The following BAIAP2 variants were observed in gnomAD, a reference collection of about 807,000 sequenced individuals.
The protein encoded by BAIAP2 is BAR/IMD domain-containing adapter protein 2.
A neutral mutation model predicts 63.0 loss-of-function variants in BAIAP2; 18 were observed. The observed-to-expected ratio is 0.29, with a 90% CI of 0.20 to 0.42. The LOEUF is 0.42. Ranked by LOEUF, BAIAP2 falls within the 10% of genes least tolerant of loss-of-function variation. The pLI is 1.00. For missense variants in BAIAP2, 610 were observed against 734.3 expected (o/e 0.83, Z 1.96); for synonymous variants, 386 against 307.6 (o/e 1.25, Z -2.67).
In BAIAP2 at chr17:81,057,981, C is replaced by G. The variant is rs772971350; in HGVS notation, c.217+14C>G. The stretch of plus-strand genomic sequence containing the variant: ...CCAAAGAACTCGGTGAGACCCCCCC[C>G]CCCCCCCCGCCTGGTAGTCGCCTGA... On this transcript the variant is annotated intron_variant, in intron 3 of 13. Transcript: ENST00000428708. The G allele has an allele frequency of 7.6e-6, 9 of 1,188,094 alleles. 1 individual carries two copies. The highest frequency in any genetic ancestry group is 4.8e-5 in the South Asian group (3 of 62,012). 73.6% of individuals were successfully genotyped at this position (1,188,094 alleles called of 1,614,324 possible). A position where few individuals can be genotyped will look rare whatever the true frequency, so the allele number is the denominator to read the frequency against.
At chr17:81,045,717 C>T (rs989785417) in intron 1 of BAIAP2, among the ~76,000 whole-genome samples, 9 of 152,150 alleles carry the variant, frequency 5.9e-5, no homozygotes, top group Non-Finnish European at 1.2e-4. Context: ...CTGCAGGAGT[C>T]CCTGGTATGC....
At chr17:81,106,684 G>C (rs1176531479) in intron 11 of BAIAP2, 61 bp from the exon 12 acceptor site, 11 of 1,594,494 alleles carry the variant, frequency 6.9e-6, no homozygotes, top group Non-Finnish European at 6.9e-6. Flanking sequence ...GGAGCCACAG[G>C]GTTGTGGGGT....
In BAIAP2 at chr17:81,035,320, C is replaced by A; in HGVS notation, c.54+12C>A. On this transcript the variant is annotated intron_variant, in intron 1 of 13. Coordinates refer to ENST00000428708, the MANE Select transcript of BAIAP2 (RefSeq NM_001144888.2). The stretch of plus-strand genomic sequence containing the variant: ...AAAATGTCTATAAGGTGAGCGCCCC[C>A]CGGCGCCGAGCTGAGCCCGCTCCGT... 1 of 1,427,020 alleles carries A rather than the reference C, an allele frequency of 7.0e-7. No individual in the cohort carries two copies. The highest frequency in any genetic ancestry group is 1.5e-5 in the African/African-American group (1 of 67,268). The allele number at this position is 1,427,020 out of a possible 1,614,324, so 88.4% of individuals were successfully genotyped here.
rs533334715 is a variant in BAIAP2, at chr17:81,090,236, T to G, written c.489+3656T>G. Among the ~76,000 whole-genome samples, 12 of 152,270 alleles carry G rather than the reference T, an allele frequency of 7.9e-5. No homozygotes were observed. In the East Asian group the frequency reaches 1.6e-3, roughly 20 times the overall value. ...TTCTCTGAGCCTCAGTTTCCCCATT[T>G]GTGAGGGGGAATATCCTGGCTTTCT... On this transcript the variant is annotated intron_variant, in intron 6 of 13. Transcript: ENST00000428708.
intron 3 of BAIAP2, among the ~76,000 whole-genome samples, chr17:81,060,530 C>G: frequency 6.6e-6 from 1 of 152,194 alleles, no homozygotes; most frequent in East Asian, 1.9e-4. Flanking sequence ...GGGCTTCATT[C>G]CTGTTTGTGG....
chr17:81,097,055 C>A (rs1415197498), intron 6 of BAIAP2, among the ~76,000 whole-genome samples: 1 of 152,178 alleles, frequency 6.6e-6, no homozygotes, highest in Non-Finnish European at 1.5e-5. Flanking sequence ...GCTGGAAAGT[C>A]TGCTTAAGGT....
At chr17:81,062,755 G>T (rs1372084074) in intron 3 of BAIAP2, among the ~76,000 whole-genome samples, 1 of 147,840 alleles carries the variant, frequency 6.8e-6, no homozygotes, top group Non-Finnish European at 1.5e-5. Flanking sequence ...GCCAGTACGT[G>T]TCTGCCATTG....
At chr17:81,109,311 T>G in intron 13 of BAIAP2, 2 of 1,141,344 alleles carry the variant, frequency 1.8e-6, no homozygotes. Context: ...TCTGTGGCAC[T>G]CACTGCTTTT....
chr17:81,040,678 G>T (rs2143505992), intron 1 of BAIAP2, among the ~76,000 whole-genome samples: 1 of 152,380 alleles, frequency 6.6e-6, no homozygotes. Context: ...TTTGCTGAGG[G>T]TTTGCTCCCC....
chr17:81,053,761 C>T lies in BAIAP2; in HGVS notation c.130+18C>T, dbSNP rs2049034888. On this transcript the variant is annotated intron_variant, in intron 2 of 13. Coordinates refer to ENST00000428708, the MANE Select transcript of BAIAP2 (RefSeq NM_001144888.2). ...ACTGGCAGGTGGAACTGCGCCCGGG[C>T]CCCGTGGGGTGGGAGCTGCCTCCTG... 3 of 1,613,328 alleles carry T rather than the reference C, an allele frequency of 1.9e-6. No homozygotes were observed. The highest frequency in any genetic ancestry group is 1.7e-6 in the Non-Finnish European group (2 of 1,179,770).
intron 6 of BAIAP2, among the ~76,000 whole-genome samples, chr17:81,093,497 G>A (rs55978953): frequency 0.41 from 62,439 of 151,970 alleles, 13,874 homozygotes; most frequent in South Asian, 0.58. Context: ...AGCCCTCGCT[G>A]GCCGGTCGTG....
At position 81,085,635 on chromosome 17, in the gene BAIAP2, G is replaced by A. The variant is rs1243051832; in HGVS notation, c.280-19G>A. On this transcript the variant is annotated intron_variant, in intron 4 of 13. Coordinates refer to ENST00000428708, the MANE Select transcript of BAIAP2 (RefSeq NM_001144888.2). ...ATGTGTTGGAGCTGACGGCTGATGTGTTTTCTCTCCATGTCCAGCTGAAGT... is the reference window on the plus strand; with the variant it reads ...ATGTGTTGGAGCTGACGGCTGATGTATTTTCTCTCCATGTCCAGCTGAAGT... 1 of 1,611,498 alleles carries A rather than the reference G, an allele frequency of 6.2e-7. No individual in the cohort carries two copies.
At chr17:81,091,212 C>CCCCAT (rs61684148) in intron 6 of BAIAP2, among the ~76,000 whole-genome samples, 139 of 149,430 alleles carry the variant, frequency 9.3e-4, no homozygotes, top group African/African-American at 3.4e-3. Flanking sequence ...CCCCACCCCA[C>CCCCAT]AGGCCTCCTA....
chr17:81,048,117 G>C (rs1430974323), intron 1 of BAIAP2, among the ~76,000 whole-genome samples: 7 of 152,220 alleles, frequency 4.6e-5, no homozygotes, highest in Admixed American at 1.3e-4. Context: ...GGGAGCAGTG[G>C]CTCTCGCCTG....
chr17:81,095,957 C>T (rs943604225), intron 6 of BAIAP2, among the ~76,000 whole-genome samples: 4 of 152,212 alleles, frequency 2.6e-5, no homozygotes, highest in East Asian at 1.9e-4. Context: ...GAGAAAGTAC[C>T]GTAGCCTAAA....
At position 81,116,216 on chromosome 17, in the gene BAIAP2, T is replaced by G; in HGVS notation, c.*377T>G. On this transcript the variant is annotated 3_prime_UTR_variant, in exon 14 of 14. Coordinates refer to ENST00000428708, the MANE Select transcript of BAIAP2 (RefSeq NM_001144888.2). The stretch of plus-strand genomic sequence containing the variant: ...TGCTTCTCCTGCCTAATAAACAGGC[T>G]TCTCCTGCACCAGGTGTGATCTGTC... 6.2e-7 allele frequency: 1 copy of G among 1,612,096 alleles called. No homozygotes were observed.
Position 81,103,483 on chromosome 17 carries a change from C to A in BAIAP2, c.643-19C>A, listed in dbSNP as rs1332149446. ...CTGAGCCGGCCCTGACCCCTCCCTT[C>A]CTGCTGCTTCCACTTCAGGGCAAGG... On this transcript the variant is annotated intron_variant, in intron 7 of 13. Transcript: ENST00000428708. 1.7e-5 allele frequency: 26 copies of A among 1,545,928 alleles called. No individual in the cohort carries two copies. The highest frequency in any genetic ancestry group is 1.8e-5 in the Non-Finnish European group (21 of 1,152,792).
rs567583191 is a variant in BAIAP2 at position 81,045,750 on chromosome 17, C to T, written c.55-7918C>T. On this transcript the variant is annotated intron_variant, in intron 1 of 13. Coordinates refer to ENST00000428708, the MANE Select transcript of BAIAP2 (RefSeq NM_001144888.2). ...TGCGTGGGACCTGGGTGTCTCCCTT[C>T]GGTCTTCCAGGAGGGGCTGGGGTGT... Among the ~76,000 whole-genome samples, 39 of 152,252 alleles carry T rather than the reference C, an allele frequency of 2.6e-4. No individual in the cohort carries two copies. The South Asian group carries it at 6.4e-3, about 25-fold the overall frequency.
rs2055483469 is a variant in BAIAP2 at position 81,085,687 on chromosome 17, C to T, written c.313C>T (p.Leu105=). The change falls in exon 5 of 14, where the codon CTG becomes TTG. Residue 105 remains leucine (L), a synonymous_variant. Transcript: ENST00000428708. ...TTTTCACAACGAGCTGCTTACGCAG[C>T]TGGAGCAGAAGGTGGAGCTGGACTC... ...KSFHNELLTQ[L]EQKVELDSRY... 2 of 1,613,790 alleles carry T rather than the reference C, an allele frequency of 1.2e-6. No individual in the cohort carries two copies. The highest frequency in any genetic ancestry group is 2.2e-5 in the South Asian group (2 of 91,092).
Sources: allele counts gnomAD v4.1 joint callset (sites outside exome capture counted in the v4.1 genomes callset), GRCh38; gene constraint gnomAD v4.1.1; transcripts MANE v1.5; gene names NCBI Gene and HGNC (gene_info 2026-07-23, HGNC 2026-07-21).